Variants in KCNT2 observed in about 807,000 individuals in gnomAD.
KCNT2 encodes potassium channel subfamily T member 2.
KCNT2 carries 67 observed loss-of-function variants against 153.8 expected under a neutral mutation model. The ratio of observed to expected loss-of-function variants is 0.44; its 90% CI spans 0.36 to 0.53. The LOEUF is 0.53. Ranked by LOEUF, KCNT2 falls within the 20% of genes least tolerant of loss-of-function variation. The pLI is 0.00. For synonymous variants in KCNT2, 500 were observed against 458.8 expected (o/e 1.09, Z -1.15); for missense variants, 975 against 1,354.8 (o/e 0.72, Z 4.40).
intron 14 of KCNT2, among the ~76,000 whole-genome samples, chr1:196,370,528 C>A (rs562235191): frequency 3.6e-4 from 54 of 151,834 alleles, no homozygotes; most frequent in Admixed American, 1.1e-3. Context: ...ACTTCATGCC[C>A]ACTAGGATGG....
chr1:196,511,116 AACACAC>A (rs35177032), intron 1 of KCNT2, among the ~76,000 whole-genome samples: 16,401 of 146,432 alleles, frequency 0.11, 991 homozygotes, highest in Middle Eastern at 0.14. Context: ...AAACACACAC[AACACAC>A]ACACACACAC....
At chr1:196,507,977 G>T (rs1681283478) in intron 1 of KCNT2, among the ~76,000 whole-genome samples, 1 of 151,706 alleles carries the variant, frequency 6.6e-6, no homozygotes, top group South Asian at 2.1e-4. Context: ...TTCTCTACTT[G>T]ATATTAAGAC....
chr1:196,346,359 T>A (rs546092321), intron 14 of KCNT2, among the ~76,000 whole-genome samples: 1 of 152,166 alleles, frequency 6.6e-6, no homozygotes, highest in South Asian at 2.1e-4. Context: ...TTTAGCTTTT[T>A]TGAATATCCA....
chr1:196,465,452 C>T (rs774692874), intron 7 of KCNT2, 65 bp from the exon 8 acceptor site: 36 of 840,362 alleles, frequency 4.3e-5, no homozygotes, highest in Admixed American at 7.1e-5. Flanking sequence ...AGTTTCATTA[C>T]ATTTATTAGC....
At chr1:196,516,436 A>G (rs1682061292) in intron 1 of KCNT2, among the ~76,000 whole-genome samples, 1 of 151,806 alleles carries the variant, frequency 6.6e-6, no homozygotes, top group Non-Finnish European at 1.5e-5. Flanking sequence ...ATCAAGATCT[A>G]CAACACCCCT....
At chr1:196,525,352 C>CT (rs1005040736) in intron 1 of KCNT2, among the ~76,000 whole-genome samples, 26 of 152,056 alleles carry the variant, frequency 1.7e-4, no homozygotes, top group East Asian at 3.9e-4. Context: ...AACAGTGACA[C>CT]TTTTTTTTGT....
intron 1 of KCNT2, among the ~76,000 whole-genome samples, chr1:196,560,056 G>T (rs1659176876): frequency 6.6e-6 from 1 of 151,646 alleles, no homozygotes; most frequent in Non-Finnish European, 1.5e-5. Context: ...AATTTAATTT[G>T]CCGTATGTGA....
Position 196,315,764 on chromosome 1 carries a change from TG to T in KCNT2, c.2483+127del, listed in dbSNP as rs1379440539. 6 of 807,604 alleles carry T rather than the reference TG, an allele frequency of 7.4e-6. No individual in the cohort carries two copies. In the African/African-American group the frequency reaches 1.1e-4, roughly 14 times the overall value. The allele number at this position is 807,604 out of a possible 1,614,324, so 50.0% of individuals were successfully genotyped here. On this transcript the variant is annotated intron_variant, in intron 21 of 27. Coordinates refer to ENST00000294725, the MANE Select transcript of KCNT2 (RefSeq NM_198503.5). Reference sequence around the variant, plus strand: ...TCATGCTCAATAAACATTTACTTTATGAAAAAAATGAATAAATGAACATAAA... The same window carrying T: ...TCATGCTCAATAAACATTTACTTTATAAAAAAATGAATAAATGAACATAAA...
At chr1:196,409,964 C>T (rs1300736256) in intron 12 of KCNT2, among the ~76,000 whole-genome samples, 4 of 151,622 alleles carry the variant, frequency 2.6e-5, no homozygotes, top group African/African-American at 9.7e-5. Flanking sequence ...CTCTTTTTAT[C>T]TTGATTTTGA....
intron 13 of KCNT2, among the ~76,000 whole-genome samples, chr1:196,377,091 G>A (rs1003875347): frequency 1.3e-5 from 2 of 151,968 alleles, no homozygotes; most frequent in Non-Finnish European, 2.9e-5. Context: ...GATTGGAGAT[G>A]ACAGAGGAGT....
chr1:196,532,169 A>G (rs1480812218), intron 1 of KCNT2, among the ~76,000 whole-genome samples: 1 of 152,102 alleles, frequency 6.6e-6, no homozygotes, highest in Non-Finnish European at 1.5e-5. Flanking sequence ...TCTGATTTAA[A>G]ACATAAGTCC....
chr1:196,355,615 G>A (rs1043315346), intron 14 of KCNT2, among the ~76,000 whole-genome samples: 25 of 151,804 alleles, frequency 1.6e-4, no homozygotes, highest in African/African-American at 5.1e-4. Context: ...TGCCCTTAAC[G>A]TTGGTTTCTC....
chr1:196,313,468 C>G (rs555191107), intron 21 of KCNT2, among the ~76,000 whole-genome samples: 1 of 151,592 alleles, frequency 6.6e-6, no homozygotes, highest in East Asian at 2.0e-4. Flanking sequence ...GAACTAAAAT[C>G]TCCAAGGAAT....
At chr1:196,257,937 T>A (rs1250783799) in intron 26 of KCNT2, 1 of 960,498 alleles carries the variant, frequency 1.0e-6, no homozygotes, top group Non-Finnish European at 1.2e-6. Context: ...AGAGTTTTTG[T>A]GAAAATTAAA....
At chr1:196,594,142 G>A (rs1663763060) in intron 1 of KCNT2, among the ~76,000 whole-genome samples, 1 of 152,118 alleles carries the variant, frequency 6.6e-6, no homozygotes, top group Admixed American at 6.5e-5. Context: ...CAAGCAGATT[G>A]ATGGTTTTCA....
Position 196,469,002 on chromosome 1 carries a change from T to C in KCNT2, c.451A>G (p.Ile151Val). ...ILEIINAVPF[I>V]ISIFWPSLRN... ...GTTCTTTTAGGACTTACTGAGATAA[T>C]GAAGGGAACTGCATTAATTATTTCC... is the stretch of plus-strand genomic sequence containing the variant. Residue 151 changes from isoleucine (I) to valine (V), a missense_variant, in exon 6 of 28, where the codon ATT (isoleucine) becomes GTT (valine). Physicochemically the swap from Ile to Val is conservative, Grantham distance 29. This residue lies in a region of KCNT2 where 140 missense variants were observed against 216.0 expected (regional missense o/e 0.65). Transcript: ENST00000294725. 6.3e-7 allele frequency: 1 copy of C among 1,593,524 alleles called. No individual in the cohort carries two copies. Among genetic ancestry groups the C allele is most frequent in the Non-Finnish European group, 8.6e-7 (1 of 1,164,534 alleles).
At chr1:196,506,785 T>C (rs1201508508) in intron 1 of KCNT2, among the ~76,000 whole-genome samples, 3 of 152,142 alleles carry the variant, frequency 2.0e-5, no homozygotes, top group African/African-American at 4.8e-5. Flanking sequence ...TTAACAGGCT[T>C]TCTAGTGATA....
At chr1:196,230,369 T>G (rs968369846) in intron 27 of KCNT2, among the ~76,000 whole-genome samples, 4 of 151,944 alleles carry the variant, frequency 2.6e-5, no homozygotes, top group Non-Finnish European at 5.9e-5. Context: ...TTAGGCCCAT[T>G]GTTGAGACTT....
chr1:196,413,750 C>T lies in KCNT2; in HGVS notation c.1185+9300G>A, dbSNP rs373065013. 4.2e-4 allele frequency among the ~76,000 whole-genome samples: 63 copies of T among 151,682 alleles called. 1 individual carries two copies. In the East Asian group the frequency reaches 0.012, roughly 29 times the overall value. The stretch of plus-strand genomic sequence containing the variant: ...ATGGCACTTTCAAATTCATGATTAC[C>T]TACTGTTTTTCTAATAAAGAATACA... On this transcript the variant is annotated intron_variant, in intron 12 of 27. Coordinates refer to ENST00000294725, the MANE Select transcript of KCNT2 (RefSeq NM_198503.5).
Sources: gnomAD v4.1 joint callset for allele counts (sites outside exome capture counted in the v4.1 genomes callset) on GRCh38, gnomAD v4.1.1 for gene constraint, gnomAD v4.1.1 regional missense constraint, MANE v1.5 for transcripts, NCBI Gene and HGNC (gene_info 2026-07-23, HGNC 2026-07-21) for gene names.